Variants in FSD1L observed in about 807,000 individuals in gnomAD.
FSD1L encodes the protein fibronectin type III and SPRY domain containing 1 like.
A neutral mutation model predicts 71.6 loss-of-function variants in FSD1L; 45 were observed. The observed-to-expected ratio is 0.63, with a 90% CI of 0.49 to 0.81. The LOEUF (loss-of-function observed/expected upper bound fraction) is 0.81, where lower values mean the gene tolerates loss of function less well. Ranked by LOEUF, FSD1L falls within the 30% of genes least tolerant of loss-of-function variation. The pLI, the probability that FSD1L is intolerant of heterozygous loss-of-function variation, is 0.00. For missense variants in FSD1L, 561 were observed against 618.1 expected, an observed-to-expected ratio of 0.91 and a Z score of 0.98; for synonymous variants, 197 against 207.2, an observed-to-expected ratio of 0.95 and a Z score of 0.42.
chr9:105,499,137 A>T (rs1267553713), intron 7 of FSD1L, among the ~76,000 whole-genome samples: 1 of 152,216 alleles, frequency 6.6e-6, no homozygotes, highest in South Asian at 2.1e-4. Flanking sequence ...TAGTCTGTAG[A>T]TATCAATTAC....
At chr9:105,510,032 G>T (rs372751694) in intron 9 of FSD1L, among the ~76,000 whole-genome samples, 35 of 152,246 alleles carry the variant, frequency 2.3e-4, no homozygotes, top group African/African-American at 7.2e-4. Flanking sequence ...AATGACCAAA[G>T]TTGGACCTAA....
chr9:105,442,954 A>G (rs1212346980), upstream of FSD1L, among the ~76,000 whole-genome samples: 2 of 152,198 alleles, frequency 1.3e-5, no homozygotes. Context: ...TTCATCTTCC[A>G]TACAATAGCC....
chr9:105,530,514 A>G, intron 10 of FSD1L: 1 of 670,060 alleles, frequency 1.5e-6, no homozygotes, highest in Middle Eastern at 2.4e-4. Context: ...TAAGTTACAA[A>G]TTTTTAAAAA....
chr9:105,493,771 G>T (rs1396654213), intron 7 of FSD1L, among the ~76,000 whole-genome samples: 3 of 151,882 alleles, frequency 2.0e-5, no homozygotes, highest in East Asian at 1.9e-4. Flanking sequence ...GCTTAGTTTG[G>T]CTGGATATGA....
rs535641258 is a variant in FSD1L, at chr9:105,545,321, G to A, written c.1468-1037G>A. 7.6e-3 allele frequency among the ~76,000 whole-genome samples: 1,117 copies of A among 146,116 alleles called. 176 individuals carry two copies. Among genetic ancestry groups the A allele is most frequent in the African/African-American group, 0.028 (1,061 of 37,508 alleles). On this transcript the variant is annotated intron_variant, in intron 13 of 13. Coordinates refer to ENST00000481272, the MANE Select transcript of FSD1L (RefSeq NM_001145313.3). ...TTGCTTATCAGCTTAAGGAGATTTTGGGCTGAGACAATGGGGTTTTCTAGA... is the reference window on the plus strand; with the variant it reads ...TTGCTTATCAGCTTAAGGAGATTTTAGGCTGAGACAATGGGGTTTTCTAGA...
chr9:105,476,171 C>T (rs1831785870), intron 5 of FSD1L, among the ~76,000 whole-genome samples: 1 of 152,058 alleles, frequency 6.6e-6, no homozygotes, highest in African/African-American at 2.4e-5. Flanking sequence ...TCTGGTTTAA[C>T]GTCTTTAAAT....
intron 7 of FSD1L, among the ~76,000 whole-genome samples, chr9:105,498,466 T>A (rs902026609): frequency 2.6e-5 from 4 of 152,186 alleles, no homozygotes; most frequent in African/African-American, 7.2e-5. Context: ...GTTACTGTAC[T>A]GAATACTGTA....
intron 13 of FSD1L, among the ~76,000 whole-genome samples, chr9:105,541,288 C>CT (rs35751327): frequency 0.012 from 1,619 of 139,564 alleles, 17 homozygotes; most frequent in Non-Finnish European, 0.019. Context: ...TTTCTTTTTC[C>CT]TTTTTTTTTT....
rs964914049 is a variant in FSD1L at position 105,549,621 on chromosome 9, A to G, written c.*3138A>G. 6 of 151,934 alleles carry G rather than the reference A, an allele frequency of 3.9e-5. No homozygotes were observed. The highest frequency in any genetic ancestry group is 6.6e-5 in the Admixed American group (1 of 15,238). The allele number at this position is 151,934 out of a possible 1,614,324, so 9.4% of individuals were successfully genotyped here. A position where few individuals can be genotyped will look rare whatever the true frequency, so the allele number is the denominator to read the frequency against. Reference sequence around the variant, plus strand: ...GTTATGCAAACAGTAATTTTTCCCTATGTTATGAAGAGAGACATATTGGCT... The same window carrying G: ...GTTATGCAAACAGTAATTTTTCCCTGTGTTATGAAGAGAGACATATTGGCT... On this transcript the variant is annotated 3_prime_UTR_variant, in exon 14 of 14. Coordinates refer to ENST00000481272, the MANE Select transcript of FSD1L (RefSeq NM_001145313.3).
At chr9:105,504,893 T>G (rs1485569233) in intron 7 of FSD1L, among the ~76,000 whole-genome samples, 1 of 152,248 alleles carries the variant, frequency 6.6e-6, no homozygotes, top group Non-Finnish European at 1.5e-5. Flanking sequence ...AACAGGGTTA[T>G]ATTTGTGGAG....
In FSD1L at chr9:105,538,091, G is replaced by A. The variant is rs1836379180; in HGVS notation, c.1379-1172G>A. Among the ~76,000 whole-genome samples the A allele has an allele frequency of 2.6e-5, 4 of 152,164 alleles. No individual in the cohort carries two copies. In the South Asian group the frequency reaches 8.3e-4, roughly 32 times the overall value. On this transcript the variant is annotated intron_variant, in intron 12 of 13. Coordinates refer to ENST00000481272, the MANE Select transcript of FSD1L (RefSeq NM_001145313.3). ...TGCCAGCAGGATAATCATGTGGCAT[G>A]TTTAGCAAGCATTTTGAAATTCAGT... is the stretch of plus-strand genomic sequence containing the variant.
chr9:105,525,579 G>A, intron 10 of FSD1L: 1 of 1,612,898 alleles, frequency 6.2e-7, no homozygotes, highest in Non-Finnish European at 8.5e-7. Flanking sequence ...TGAATTCCTG[G>A]GACAAACGGA....
chr9:105,466,564 G>T (rs1005589822), intron 3 of FSD1L, among the ~76,000 whole-genome samples: 1 of 152,086 alleles, frequency 6.6e-6, no homozygotes, highest in Non-Finnish European at 1.5e-5. Flanking sequence ...GTGGTGGCAA[G>T]CGCCTGTAAT....
intron 7 of FSD1L, among the ~76,000 whole-genome samples, chr9:105,494,669 A>G (rs905782499): frequency 3.9e-5 from 6 of 151,956 alleles, no homozygotes; most frequent in African/African-American, 1.5e-4. Context: ...TGATGTACAG[A>G]TGGGTTTTTG....
intron 5 of FSD1L, among the ~76,000 whole-genome samples, chr9:105,474,199 T>G (rs1374642475): frequency 1.3e-5 from 2 of 152,204 alleles, no homozygotes; most frequent in Non-Finnish European, 2.9e-5. Context: ...TGCAAACCTG[T>G]GTAGCATGTT....
intron 1 of FSD1L, among the ~76,000 whole-genome samples, chr9:105,450,221 T>C (rs1299338034): frequency 1.3e-5 from 2 of 152,174 alleles, no homozygotes; most frequent in Non-Finnish European, 2.9e-5. Context: ...CCAGACATGA[T>C]TTTTAGATAC....
Position 105,464,233 on chromosome 9 carries a change from T to C in FSD1L, c.112-3T>C. 1 of 1,441,348 alleles carries C rather than the reference T, an allele frequency of 6.9e-7. No individual in the cohort carries two copies. Among genetic ancestry groups the C allele is most frequent in the Non-Finnish European group, 9.4e-7 (1 of 1,064,078 alleles). The allele number at this position is 1,441,348 out of a possible 1,614,324, so 89.3% of individuals were successfully genotyped here. A position where few individuals can be genotyped will look rare whatever the true frequency, so the allele number is the denominator to read the frequency against. On this transcript the variant is annotated splice_polypyrimidine_tract_variant and splice_region_variant and intron_variant, in intron 2 of 13. Transcript: ENST00000481272. ...AGTATTTTAATGCTTTTCTTAATTC[T>C]AGGAAGCTCTACAGAGGATCATTTC...
chr9:105,495,703 G>A (rs971609629), intron 7 of FSD1L, among the ~76,000 whole-genome samples: 1 of 152,194 alleles, frequency 6.6e-6, no homozygotes, highest in Non-Finnish European at 1.5e-5. Context: ...TGGGCCGGGC[G>A]CGGTGGCTCA....
In FSD1L at chr9:105,468,213, C is replaced by G; in HGVS notation, c.228C>G (p.Leu76=). ...KGVQENSSNI[L]SELDEEFDSL... ...AACAGGAAAATTCGTCCAACATACT[C>G]TCAGAGTTAGATGAAGAATTTGATA... Residue 76 remains leucine, a synonymous_variant, in exon 4 of 14, where the codon CTC becomes CTG. Transcript: ENST00000481272. 1 of 1,421,306 alleles carries G rather than the reference C, an allele frequency of 7.0e-7. No individual in the cohort carries two copies. The highest frequency in any genetic ancestry group is 1.6e-5 in the South Asian group (1 of 61,552). The allele number at this position is 1,421,306 out of a possible 1,614,324, so 88.0% of individuals were successfully genotyped here.
Sources: gnomAD v4.1 joint callset for allele counts (sites outside exome capture counted in the v4.1 genomes callset) on GRCh38, gnomAD v4.1.1 for gene constraint, MANE v1.5 for transcripts, NCBI Gene and HGNC (gene_info 2026-07-23, HGNC 2026-07-21) for gene names.